The following FAF2 variants were observed in gnomAD, a reference collection of about 807,000 sequenced individuals.
The protein encoded by FAF2 is FAS-associated factor 2.
A neutral mutation model predicts 62.3 loss-of-function variants in FAF2; 9 were observed. The ratio of observed to expected loss-of-function variants is 0.14; its 90% CI spans 0.09 to 0.25. The LOEUF (loss-of-function observed/expected upper bound fraction) is 0.25. FAF2 is among the 10% of genes least tolerant of loss of function. FAF2 has a pLI of 1.00. For missense variants in FAF2, 368 were observed against 556.2 expected (o/e 0.66, Z 3.40); for synonymous variants, 202 against 198.0 (o/e 1.02, Z -0.17).
At chr5:176,449,601 G>A (rs560998151) in intron 1 of FAF2, among the ~76,000 whole-genome samples, 2 of 152,068 alleles carry the variant, frequency 1.3e-5, no homozygotes, top group South Asian at 4.2e-4. Context: ...TACCTCCTGA[G>A]GATGTTCGGG....
Position 176,458,408 on chromosome 5 carries a change from C to T in FAF2, c.63+9938C>T, listed in dbSNP as rs1379279686. On this transcript the variant is annotated intron_variant, in intron 1 of 10. Coordinates refer to ENST00000261942, the MANE Select transcript of FAF2 (RefSeq NM_014613.3). ...CAGAATAATATTTTTCTTTTTCTTC[C>T]TTTTTTTTTTTTTTTTTTTGAGACG... Among the ~76,000 whole-genome samples, 41 of 86,390 alleles carry T rather than the reference C, an allele frequency of 4.7e-4. 2 individuals are homozygous for T. The highest frequency in any genetic ancestry group is 1.7e-3 in the African/African-American group (38 of 22,298). 56.7% of individuals were successfully genotyped at this position (86,390 alleles called of 152,430 possible).
intron 1 of FAF2, among the ~76,000 whole-genome samples, chr5:176,465,957 T>G (rs1758460362): frequency 6.6e-6 from 1 of 152,240 alleles, no homozygotes; most frequent in African/African-American, 2.4e-5. Flanking sequence ...CAGTCTTCAC[T>G]CCACCATTTA....
chr5:176,449,673 T>A (rs528176026), intron 1 of FAF2, among the ~76,000 whole-genome samples: 20 of 152,284 alleles, frequency 1.3e-4, no homozygotes, highest in African/African-American at 4.3e-4. Context: ...CCCCAAATAG[T>A]ATTTTCTGCT....
rs1342142071 is a variant in FAF2 at position 176,506,181 on chromosome 5, C to T, written c.1156-587C>T. On this transcript the variant is annotated intron_variant, in intron 10 of 10. Coordinates refer to ENST00000261942, the MANE Select transcript of FAF2 (RefSeq NM_014613.3). The stretch of plus-strand genomic sequence containing the variant: ...ACTCCATTCAGCCTGGGCAACAGAG[C>T]GAGACTCTCTCAAAAAAAAAAAAAA... Among the ~76,000 whole-genome samples, 5 of 135,022 alleles carry T rather than the reference C, an allele frequency of 3.7e-5. No homozygotes were observed. The East Asian group carries it at 8.4e-4, about 23-fold the overall frequency. 88.6% of individuals were successfully genotyped at this position (135,022 alleles called of 152,430 possible).
intron 4 of FAF2, among the ~76,000 whole-genome samples, chr5:176,489,830 A>C (rs1339731064): frequency 6.6e-6 from 1 of 152,098 alleles, no homozygotes; most frequent in Admixed American, 6.6e-5. Flanking sequence ...TGCTGGCATG[A>C]GCCACCATGC....
intron 10 of FAF2, among the ~76,000 whole-genome samples, chr5:176,506,107 C>T (rs1163557903): frequency 6.7e-6 from 1 of 149,820 alleles, no homozygotes; most frequent in Non-Finnish European, 1.5e-5. Context: ...AGGAGAATAG[C>T]GTGAACCTGG....
chr5:176,474,317 C>T (rs548111528), intron 1 of FAF2, among the ~76,000 whole-genome samples: 55 of 152,318 alleles, frequency 3.6e-4, no homozygotes, highest in African/African-American at 1.2e-3. Context: ...ATCTGGGATA[C>T]ATATGCAGAT....
chr5:176,494,139 A>G lies in FAF2; in HGVS notation c.570-45A>G, dbSNP rs1461478400. Reference sequence around the variant, plus strand: ...TTCTGACTCTTTCTGGTGACAGTTTATAGTCAGCAAGTTGTTCTCATATCC... The same window carrying G: ...TTCTGACTCTTTCTGGTGACAGTTTGTAGTCAGCAAGTTGTTCTCATATCC... On this transcript the variant is annotated intron_variant, in intron 6 of 10. Coordinates refer to ENST00000261942, the MANE Select transcript of FAF2 (RefSeq NM_014613.3). The surrounding 1 kb of genome is among the most constrained non-coding windows in gnomAD (Gnocchi z 4.0). 1.2e-6 allele frequency: 2 copies of G among 1,608,954 alleles called. No homozygotes were observed. The highest frequency in any genetic ancestry group is 1.7e-6 in the Non-Finnish European group (2 of 1,176,566).
chr5:176,461,488 T>A (rs574189131), intron 1 of FAF2, among the ~76,000 whole-genome samples: 70 of 151,376 alleles, frequency 4.6e-4, no homozygotes, highest in South Asian at 1.0e-3. Flanking sequence ...GGGCTAATTT[T>A]TTTTATTTTA....
chr5:176,458,777 A>T (rs920085614), intron 1 of FAF2, among the ~76,000 whole-genome samples: 1 of 152,122 alleles, frequency 6.6e-6, no homozygotes, highest in African/African-American at 2.4e-5. Flanking sequence ...TTTGTACCTC[A>T]TGGTCTGACT....
intron 2 of FAF2, among the ~76,000 whole-genome samples, chr5:176,482,229 T>TG (rs1359983585): frequency 9.9e-5 from 15 of 151,962 alleles, no homozygotes; most frequent in Non-Finnish European, 2.1e-4. Flanking sequence ...AGTTTTTTTT[T>TG]TTTTTTGAGA....
chr5:176,454,299 A>C (rs559917743), intron 1 of FAF2, among the ~76,000 whole-genome samples: 1 of 152,182 alleles, frequency 6.6e-6, no homozygotes, highest in African/African-American at 2.4e-5. Flanking sequence ...AGGGTAAGGC[A>C]GGAGAATCAC....
intron 1 of FAF2, among the ~76,000 whole-genome samples, chr5:176,468,182 CTA>C (rs370969260): frequency 6.6e-6 from 1 of 152,082 alleles, no homozygotes; most frequent in South Asian, 2.1e-4. Flanking sequence ...AGAAAAGAAA[CTA>C]GAGAGATATA....
chr5:176,506,597 C>T (rs1216630954), intron 10 of FAF2, among the ~76,000 whole-genome samples, 171 bp from the exon 11 acceptor site: 2 of 152,126 alleles, frequency 1.3e-5, no homozygotes, highest in African/African-American at 4.8e-5. Context: ...ATGTATATGC[C>T]ATGGGAAATG....
rs144247624 is a variant in FAF2 at position 176,454,936 on chromosome 5, C to G, written c.63+6466C>G. On this transcript the variant is annotated intron_variant, in intron 1 of 10. Transcript: ENST00000261942. ...AGAGGCAGTTATATTTGCTCCCAAA[C>G]TAGTGTGTGCTGGTTATGTTTGTCA... Among the ~76,000 whole-genome samples the G allele has an allele frequency of 3.1e-3, 473 of 152,304 alleles. 4 individuals carry two copies. The highest frequency in any genetic ancestry group is 0.011 in the African/African-American group (448 of 41,564).
At chr5:176,479,461 C>A (rs554244089) in intron 2 of FAF2, among the ~76,000 whole-genome samples, 2 of 151,934 alleles carry the variant, frequency 1.3e-5, no homozygotes, top group Admixed American at 1.3e-4. Flanking sequence ...AATATAGTGC[C>A]CCACCCCCTA....
chr5:176,480,917 C>T (rs995001695), intron 2 of FAF2, among the ~76,000 whole-genome samples: 10 of 151,934 alleles, frequency 6.6e-5, no homozygotes, highest in Non-Finnish European at 1.2e-4. Flanking sequence ...TGTAACAAAC[C>T]TGCACATTCC....
At chr5:176,456,101 T>C (rs542695877) in intron 1 of FAF2, among the ~76,000 whole-genome samples, 3 of 152,254 alleles carry the variant, frequency 2.0e-5, no homozygotes, top group Non-Finnish European at 4.4e-5. Flanking sequence ...GACAGAGTTT[T>C]GCTCTTGTTG....
chr5:176,478,747 C>T (rs1399640996), intron 1 of FAF2, among the ~76,000 whole-genome samples: 1 of 152,182 alleles, frequency 6.6e-6, no homozygotes, highest in Admixed American at 6.5e-5. Flanking sequence ...AAATGTTCCA[C>T]TATGCATTTC....
Sources: gnomAD v4.1 joint callset for allele counts (sites outside exome capture counted in the v4.1 genomes callset) on GRCh38, gnomAD v4.1.1 for gene constraint, Gnocchi (gnomAD v3.1) non-coding constraint, MANE v1.5 for transcripts, NCBI Gene and HGNC (gene_info 2026-07-23, HGNC 2026-07-21) for gene names.